Variants in PRRC2C observed in about 807,000 individuals in gnomAD.
PRRC2C encodes protein PRRC2C.
PRRC2C carries 72 observed loss-of-function variants against 317.2 expected under a neutral mutation model. That is an observed-to-expected ratio of 0.23 (90% CI 0.19 to 0.28). The LOEUF is 0.28. Ranked by LOEUF, PRRC2C falls within the 10% of genes least tolerant of loss-of-function variation. The pLI is 1.00. For synonymous variants in PRRC2C, 1,296 were observed against 1,205.9 expected (o/e 1.07, Z -1.55); for missense variants, 3,074 against 3,459.7 (o/e 0.89, Z 2.80).
At chr1:171,544,313 A>G (rs999072639) in intron 16 of PRRC2C, among the ~76,000 whole-genome samples, 1 of 152,070 alleles carries the variant, frequency 6.6e-6, no homozygotes. Context: ...TAGAAGAGAC[A>G]GGGATTCGCC....
chr1:171,501,677 TAAA>T (rs1156767649), intron 1 of PRRC2C, among the ~76,000 whole-genome samples: 1 of 152,190 alleles, frequency 6.6e-6, no homozygotes, highest in Non-Finnish European at 1.5e-5. Flanking sequence ...GTAAAAGTAA[TAAA>T]AAAGCTTTTC....
rs1488384354 is a variant in PRRC2C at position 171,558,151 on chromosome 1, G to A, written c.6031+8G>A. 5 of 1,603,202 alleles carry A rather than the reference G, an allele frequency of 3.1e-6. No individual in the cohort carries two copies. Among genetic ancestry groups the A allele is most frequent in the South Asian group, 2.2e-5 (2 of 89,852 alleles). On this transcript the variant is annotated splice_region_variant and intron_variant, in intron 19 of 34. Transcript: ENST00000647382. ...ATGATATCTCTAAGAAATGTAAGTT[G>A]CAAAAGAGAAGTGAGGGGTGGGGAA...
intron 6 of PRRC2C, among the ~76,000 whole-genome samples, chr1:171,521,646 T>C (rs908630632): frequency 2.4e-4 from 37 of 152,176 alleles, no homozygotes; most frequent in African/African-American, 8.4e-4. Context: ...TTTGAGGTGC[T>C]GGGGCTGGGG....
At chr1:171,508,736 G>A (rs1023088420) in intron 1 of PRRC2C, among the ~76,000 whole-genome samples, 31 of 152,058 alleles carry the variant, frequency 2.0e-4, no homozygotes, top group African/African-American at 7.0e-4. Flanking sequence ...ATTTTAATAC[G>A]CTTGCTTACT....
At chr1:171,507,501 C>G (rs1670485917) in intron 1 of PRRC2C, among the ~76,000 whole-genome samples, 1 of 152,100 alleles carries the variant, frequency 6.6e-6, no homozygotes, top group South Asian at 2.1e-4. Context: ...GTCCCAACTA[C>G]TTGGGAGGCA....
chr1:171,537,489 A>G lies in PRRC2C; in HGVS notation c.2504+16A>G, dbSNP rs1331710326. On this transcript the variant is annotated intron_variant, in intron 15 of 34. Transcript: ENST00000647382. ...AGGATGTAAGGTAATAAATTATTTC[A>G]ATTTAATAGATGATACAGAATATTT... 11 of 1,538,960 alleles carry G rather than the reference A, an allele frequency of 7.1e-6. No individual in the cohort carries two copies. The highest frequency in any genetic ancestry group is 1.7e-4 in the Middle Eastern group (1 of 5,978).
intron 6 of PRRC2C, among the ~76,000 whole-genome samples, chr1:171,521,017 G>T (rs1673449844): frequency 1.3e-5 from 2 of 151,582 alleles, no homozygotes; most frequent in Non-Finnish European, 2.9e-5. Context: ...TGTTAGCCAG[G>T]ATGGTCTCCA....
chr1:171,575,015 C>G lies in PRRC2C; in HGVS notation c.6842C>G (p.Thr2281Ser). The G allele has an allele frequency of 6.2e-7, 1 of 1,613,798 alleles. No individual in the cohort carries two copies. Among genetic ancestry groups the G allele is most frequent in the Non-Finnish European group, 8.5e-7 (1 of 1,179,782 alleles). ...PVTSTAPPIA[T>S]GVSSSASGPS... ...ACTTCCACAGCACCTCCAATTGCAA[C>G]TGGAGTCAGCAGTAGTGCCAGTGGA... Residue 2281 changes from threonine (T) to serine (S), a missense_variant, in exon 25 of 35, where the codon ACT becomes AGT. This residue lies in a region of PRRC2C where 490 missense variants were observed against 663.1 expected (regional missense o/e 0.74). Coordinates refer to ENST00000647382, the MANE Select transcript of PRRC2C (RefSeq NM_001387844.1).
Position 171,584,409 on chromosome 1 carries a change from T to A in PRRC2C, c.7642-10T>A, listed in dbSNP as rs777267591. ...GTCTTACTCATGTTTTCTTAAAAAA[T>A]TTTTTCTAGGCCAGAGCAAATCTTA... On this transcript the variant is annotated splice_polypyrimidine_tract_variant and intron_variant, in intron 29 of 34. Coordinates refer to ENST00000647382, the MANE Select transcript of PRRC2C (RefSeq NM_001387844.1). 8 of 1,540,686 alleles carry A rather than the reference T, an allele frequency of 5.2e-6. No homozygotes were observed. The highest frequency in any genetic ancestry group is 1.4e-5 in the African/African-American group (1 of 71,690).
rs545159170 is a variant in PRRC2C, at chr1:171,510,666, A to G, written c.-57-1366A>G. On this transcript the variant is annotated intron_variant, in intron 1 of 34. Coordinates refer to ENST00000647382, the MANE Select transcript of PRRC2C (RefSeq NM_001387844.1). ...TAGCAAATTGTATTAGTGTAGTCCT[A>G]TTGGTTGTAGGTCAGTCTTTTTTCA... The G allele has an allele frequency of 1.1e-4, 17 of 152,200 alleles. 1 individual carries two copies. The South Asian group carries it at 2.7e-3, about 24-fold the overall frequency. 9.4% of individuals were successfully genotyped at this position (152,200 alleles called of 1,614,324 possible). A position where few individuals can be genotyped will look rare whatever the true frequency, so the allele number is the denominator to read the frequency against.
At chr1:171,586,320 A>T (rs1346586924) in intron 30 of PRRC2C, among the ~76,000 whole-genome samples, 1 of 150,802 alleles carries the variant, frequency 6.6e-6, no homozygotes, top group East Asian at 1.9e-4. Context: ...CAAACCCCTG[A>T]CCTCAAGTGA....
At chr1:171,496,619 T>C (rs945247911) in intron 1 of PRRC2C, among the ~76,000 whole-genome samples, 1 of 152,228 alleles carries the variant, frequency 6.6e-6, no homozygotes, top group African/African-American at 2.4e-5. Flanking sequence ...CTGTATAGTA[T>C]GCACATAGGC....
At chr1:171,491,791 T>TACACTCTTGTTTAC in intron 1 of PRRC2C, among the ~76,000 whole-genome samples, 1 of 152,282 alleles carries the variant, frequency 6.6e-6, no homozygotes, top group Non-Finnish European at 1.5e-5. Flanking sequence ...AGAAGAGTGA[T>TACACTCTTGTTTAC]AAGAGTAAAA....
intron 15 of PRRC2C, among the ~76,000 whole-genome samples, chr1:171,539,734 T>C (rs192771870): frequency 6.6e-6 from 1 of 152,216 alleles, no homozygotes; most frequent in Non-Finnish European, 1.5e-5. Flanking sequence ...CTGAATAATA[T>C]TCTATTGTAT....
chr1:171,498,810 C>CT (rs968097369), intron 1 of PRRC2C, among the ~76,000 whole-genome samples: 7 of 152,004 alleles, frequency 4.6e-5, no homozygotes, highest in Non-Finnish European at 8.8e-5. Flanking sequence ...ACTGGGCTTT[C>CT]TTTTTTTTGT....
intron 9 of PRRC2C, 63 bp downstream of exon 9, chr1:171,523,585 T>C (rs1482767819): frequency 3.9e-6 from 5 of 1,297,824 alleles, no homozygotes; most frequent in South Asian, 2.6e-5. Flanking sequence ...TAGCTACTTA[T>C]GCAAAGAAGC....
At chr1:171,538,574 A>T (rs1677294362) in intron 15 of PRRC2C, among the ~76,000 whole-genome samples, 1 of 152,208 alleles carries the variant, frequency 6.6e-6, no homozygotes, top group Non-Finnish European at 1.5e-5. Flanking sequence ...TTTGTAATTA[A>T]CTGGGACAGA....
At chr1:171,506,383 ATTG>A (rs1670224962) in intron 1 of PRRC2C, among the ~76,000 whole-genome samples, 1 of 151,998 alleles carries the variant, frequency 6.6e-6, no homozygotes, top group African/African-American at 2.4e-5. Flanking sequence ...TCTCTTTATC[ATTG>A]GTTTTAAATA....
Position 171,540,143 on chromosome 1 carries a change from A to G in PRRC2C, c.2677A>G (p.Asn893Asp), listed in dbSNP as rs551970497. The stretch of plus-strand genomic sequence containing the variant: ...TAGACCTCACCATACTGATGCAAAT[A>G]ATCAGTCTGCTTGTTTTGAAGCACC... ...DVRPHHTDANNQSACFEAPDQ... is the reference protein window; with the variant it reads ...DVRPHHTDANDQSACFEAPDQ... The change falls in exon 16 of 35, where the codon AAT becomes GAT. Residue 893 changes from asparagine (N) to aspartate (D), a missense_variant. Asn to Asp is a conservative substitution (Grantham distance 23). Around this residue, in one of 11 missense-constraint regions of PRRC2C, gnomAD observed 1,320 missense variants for 1,395.7 expected, o/e 0.95. Coordinates refer to ENST00000647382, the MANE Select transcript of PRRC2C (RefSeq NM_001387844.1). The G allele has an allele frequency of 8.1e-5, 130 of 1,613,944 alleles. 1 individual carries two copies. The South Asian group carries it at 1.4e-3, about 17-fold the overall frequency.
Sources: gnomAD v4.1 joint callset for allele counts (sites outside exome capture counted in the v4.1 genomes callset) on GRCh38, gnomAD v4.1.1 for gene constraint, gnomAD v4.1.1 regional missense constraint, MANE v1.5 for transcripts, NCBI Gene and HGNC (gene_info 2026-07-23, HGNC 2026-07-21) for gene names.